Variants in PCDHA6 observed in about 807,000 individuals in gnomAD.
The protein encoded by PCDHA6 is protocadherin alpha-6.
PCDHA6 carries 55 observed loss-of-function variants against 60.3 expected under a neutral mutation model. That is an observed-to-expected ratio of 0.91 (90% CI 0.73 to 1.14). The LOEUF is 1.14. Among genes scored for constraint, PCDHA6 ranks in the 50% most tolerant of loss-of-function variants. PCDHA6 has a pLI of 0.00. For missense variants in PCDHA6, 1,327 were observed against 1,256.5 expected (o/e 1.06, Z -0.85); for synonymous variants, 652 against 557.9 (o/e 1.17, Z -2.38).
At chr5:140,884,169 C>A in intron 1 of PCDHA6, 2 of 1,613,426 alleles carry the variant, frequency 1.2e-6, no homozygotes, top group South Asian at 1.1e-5. Flanking sequence ...ATCAGCACGA[C>A]GCGCCCTCTG....
chr5:140,927,530 G>A (rs2084329100), intron 1 of PCDHA6: 2 of 1,614,080 alleles, frequency 1.2e-6, no homozygotes, highest in Non-Finnish European at 1.7e-6. Flanking sequence ...CTACCTGCCC[G>A]CTCAGGAGAC....
chr5:140,864,059 T>C (rs1371478916), intron 1 of PCDHA6: 1 of 152,732 alleles, frequency 6.5e-6, no homozygotes, highest in Non-Finnish European at 1.5e-5. Flanking sequence ...ACAGTCACCA[T>C]GAACATTCTT....
intron 1 of PCDHA6, chr5:140,871,249 C>A (rs782675743): frequency 8.1e-6 from 13 of 1,613,984 alleles, no homozygotes; most frequent in South Asian, 1.1e-5. Flanking sequence ...CACGCTGCTG[C>A]TGTATACGGC....
At chr5:140,877,323 C>A in intron 1 of PCDHA6, 1 of 1,613,988 alleles carries the variant, frequency 6.2e-7, no homozygotes, top group Non-Finnish European at 8.5e-7. Context: ...CGGCGGTCGG[C>A]GCGCACATCC....
intron 1 of PCDHA6, chr5:140,843,282 A>G: frequency 1.3e-6 from 2 of 1,596,026 alleles, no homozygotes; most frequent in South Asian, 1.1e-5. Context: ...GTGAAGGATC[A>G]TGGTGAACCT....
At chr5:140,987,560 G>A (rs2097259227) in intron 3 of PCDHA6, among the ~76,000 whole-genome samples, 36 of 152,130 alleles carry the variant, frequency 2.4e-4, no homozygotes, top group Admixed American at 2.4e-3. Flanking sequence ...CTGATTCTCA[G>A]TTTCTTTCTC....
chr5:141,005,666 C>T (rs1304126376), intron 3 of PCDHA6, among the ~76,000 whole-genome samples: 2 of 130,134 alleles, frequency 1.5e-5, no homozygotes, highest in Non-Finnish European at 3.1e-5. Context: ...CGCGCCACTG[C>T]ACTCCAGCCT....
In PCDHA6 at chr5:140,839,239, T is replaced by C. The variant is rs112328641; in HGVS notation, c.2394+8754T>C. Among the ~76,000 whole-genome samples the C allele has an allele frequency of 2.6e-3, 403 of 152,128 alleles. 5 individuals carry two copies. The highest frequency in any genetic ancestry group is 9.3e-3 in the African/African-American group (387 of 41,468). ...TGTAACTGTAATCTGTTTTTATTGCTTTGCTTTTATGCTTACATGCATGTA... is the reference window on the plus strand; with the variant it reads ...TGTAACTGTAATCTGTTTTTATTGCCTTGCTTTTATGCTTACATGCATGTA... On this transcript the variant is annotated intron_variant, in intron 1 of 3. Transcript: ENST00000529310.
chr5:140,848,614 A>G (rs2150414883), intron 1 of PCDHA6: 3 of 1,593,564 alleles, frequency 1.9e-6, no homozygotes, highest in African/African-American at 1.3e-5. Flanking sequence ...GAGGAAGCCG[A>G]ACACGGCACC....
chr5:140,842,850 T>G (rs2150346345), intron 1 of PCDHA6: 1 of 1,593,838 alleles, frequency 6.3e-7, no homozygotes, highest in Non-Finnish European at 8.6e-7. Flanking sequence ...TACATTTCGG[T>G]GCACACGGAG....
intron 1 of PCDHA6, among the ~76,000 whole-genome samples, chr5:140,959,036 GTATGT>G (rs2095460948): frequency 6.6e-6 from 1 of 152,032 alleles, no homozygotes; most frequent in African/African-American, 2.4e-5. Flanking sequence ...TCATGGGTAT[GTATGT>G]ATAGGAAAAA....
In PCDHA6 at chr5:140,830,438, A is replaced by G; in HGVS notation, c.2347A>G (p.Met783Val). Residue 783 changes from methionine (M) to valine (V), a missense_variant, in exon 1 of 4, where the codon ATG becomes GTG. Met to Val is a conservative substitution (Grantham distance 21). Transcript: ENST00000529310. ...SPSLSPCPIM[M>V]GKAENQDLNE... ...CAGCCTTTCACCTTGTCCTATTATG[A>G]TGGGTAAGGCGGAGAATCAGGATTT... 6.2e-7 allele frequency: 1 copy of G among 1,612,916 alleles called. No individual in the cohort carries two copies. The highest frequency in any genetic ancestry group is 1.7e-5 in the Admixed American group (1 of 59,944).
At chr5:140,844,980 T>A (rs1294725594) in intron 1 of PCDHA6, among the ~76,000 whole-genome samples, 1 of 149,336 alleles carries the variant, frequency 6.7e-6, no homozygotes, top group African/African-American at 2.5e-5. Flanking sequence ...AGTATTGTTT[T>A]AAATCTTTTA....
At chr5:140,864,765 T>C (rs1345308303) in intron 1 of PCDHA6, 1 of 152,222 alleles carries the variant, frequency 6.6e-6, no homozygotes, top group Non-Finnish European at 1.5e-5. Context: ...TTTCTTTCAT[T>C]TTTGGTACCT....
At chr5:140,856,001 C>T (rs782376274) in intron 1 of PCDHA6, 7 of 1,515,190 alleles carry the variant, frequency 4.6e-6, no homozygotes, top group African/African-American at 1.4e-5. Context: ...ATCGTATGTG[C>T]GTTCTAGACC....
At chr5:140,895,235 C>T (rs1554186440) in intron 1 of PCDHA6, among the ~76,000 whole-genome samples, 2 of 152,236 alleles carry the variant, frequency 1.3e-5, no homozygotes, top group East Asian at 1.9e-4. Context: ...GTTTTCTCAT[C>T]TCTCTTTTCA....
chr5:140,956,960 TAATC>T (rs2307694), intron 1 of PCDHA6, among the ~76,000 whole-genome samples: 47,965 of 151,898 alleles, frequency 0.32, 7,886 homozygotes, highest in East Asian at 0.53. Flanking sequence ...ACACTGTAAT[TAATC>T]AGTCAATTTA....
At chr5:140,836,287 G>T in intron 1 of PCDHA6, 2 of 1,613,786 alleles carry the variant, frequency 1.2e-6, no homozygotes, top group Non-Finnish European at 8.5e-7. Flanking sequence ...AGCACGACAC[G>T]AGCCCTAGAT....
chr5:140,951,707 G>A (rs1162162711), intron 1 of PCDHA6, among the ~76,000 whole-genome samples: 6 of 152,076 alleles, frequency 3.9e-5, no homozygotes, highest in African/African-American at 1.4e-4. Flanking sequence ...TTTGGGCGGG[G>A]ACACAGATCC....
Sources: allele counts gnomAD v4.1 joint callset (sites outside exome capture counted in the v4.1 genomes callset), GRCh38; gene constraint gnomAD v4.1.1; transcripts MANE v1.5; gene names NCBI Gene and HGNC (gene_info 2026-07-23, HGNC 2026-07-21).